The following FAAH2 variants were observed in gnomAD, a reference collection of about 807,000 sequenced individuals.
The protein encoded by FAAH2 is fatty acid amide hydrolase 2.
A neutral mutation model predicts 36.9 loss-of-function variants in FAAH2; 60 were observed. The ratio of observed to expected loss-of-function variants is 1.63; its 90% CI spans 1.32 to 2.02. The LOEUF (loss-of-function observed/expected upper bound fraction) is 2.02. Among genes scored for constraint, FAAH2 ranks in the 30% most tolerant of loss-of-function variants. The pLI, the probability that FAAH2 is intolerant of heterozygous loss-of-function variation, is 0.00. For synonymous variants in FAAH2, 214 were observed against 143.8 expected (o/e 1.49, Z -3.49); for missense variants, 689 against 397.5 (o/e 1.73, Z -6.23).
chrX:57,234,584 A>G, the FAAH2 span, among the ~76,000 whole-genome samples: 1 of 111,680 alleles, frequency 9.0e-6, no homozygotes, highest in Non-Finnish European at 1.9e-5. Context: ...TCTTGGGGTA[A>G]TGGGAGACAG....
intron 10 of FAAH2, among the ~76,000 whole-genome samples, chrX:57,460,680 C>T (rs938525370): frequency 1.8e-5 from 2 of 111,852 alleles, no homozygotes; most frequent in African/African-American, 6.5e-5. Context: ...AAAACTGGTA[C>T]TAGCCACTGC....
At chrX:57,137,214 C>G in the FAAH2 span, 1 of 760,316 alleles carries the variant, frequency 1.3e-6, no homozygotes, top group Non-Finnish European at 1.6e-6. Context: ...CCCTGCCTGG[C>G]GTCCACCGCC....
At chrX:57,256,854 G>A in the FAAH2 span, among the ~76,000 whole-genome samples, 2 of 111,539 alleles carry the variant, frequency 1.8e-5, no homozygotes, top group Non-Finnish European at 3.8e-5. Context: ...AGAAGACAAA[G>A]CAAAAAACCA....
At chrX:57,177,627 G>T in the FAAH2 span, among the ~76,000 whole-genome samples, 2 of 49,870 alleles carry the variant, frequency 4.0e-5, no homozygotes, top group Non-Finnish European at 6.7e-5. Flanking sequence ...TCCAATAAAT[G>T]AAACCTGATG....
chrX:57,485,427 A>G (rs1283247738), intron 10 of FAAH2, among the ~76,000 whole-genome samples: 1 of 111,421 alleles, frequency 9.0e-6, no homozygotes, highest in Non-Finnish European at 1.9e-5. Flanking sequence ...GTGAAGCAGT[A>G]TAAGTGGGGA....
intron 3 of FAAH2, among the ~76,000 whole-genome samples, chrX:57,324,576 C>T (rs2146965186): frequency 9.0e-6 from 1 of 111,472 alleles, no homozygotes; most frequent in South Asian, 3.8e-4. Flanking sequence ...AGTTGGATTC[C>T]TAGGTATTTT....
At chrX:57,175,262 G>A in the FAAH2 span, among the ~76,000 whole-genome samples, 2 of 111,301 alleles carry the variant, frequency 1.8e-5, no homozygotes, top group Non-Finnish European at 1.9e-5. Flanking sequence ...TCCAGAGTTA[G>A]GTGCATATAT....
At chrX:57,385,809 G>A (rs1269740949) in intron 7 of FAAH2, among the ~76,000 whole-genome samples, 1 of 110,073 alleles carries the variant, frequency 9.1e-6, no homozygotes, top group Admixed American at 9.7e-5. Flanking sequence ...TCGGGAGGCT[G>A]AGGCAGGAGA....
At chrX:57,454,675 A>G (rs985285778) in intron 10 of FAAH2, among the ~76,000 whole-genome samples, 1 of 112,289 alleles carries the variant, frequency 8.9e-6, no homozygotes, top group Admixed American at 9.5e-5. Context: ...AAGCATCAGC[A>G]GCAGAAAAAT....
rs745332243 is a variant in FAAH2 at position 57,403,580 on chromosome X, C to A, written c.996+22551C>A. 2.1e-4 allele frequency among the ~76,000 whole-genome samples: 24 copies of A among 112,749 alleles called. No individual in the cohort carries two copies. The East Asian group carries it at 3.9e-3, about 18-fold the overall frequency. ...TTCATTTCAGAGAGGGTGTGGGTAA[C>A]CTTTTGAGTCAGGATTGAGATAGAG... On this transcript the variant is annotated intron_variant, in intron 7 of 10. Transcript: ENST00000374900.
chrX:57,336,014 A>G (rs1440116840), intron 4 of FAAH2, among the ~76,000 whole-genome samples: 1 of 111,547 alleles, frequency 9.0e-6, no homozygotes, highest in South Asian at 3.8e-4. Context: ...GATCAACATC[A>G]TCTCAAGGCA....
At chrX:57,415,203 G>A (rs1358760020) in intron 7 of FAAH2, among the ~76,000 whole-genome samples, 6 of 108,563 alleles carry the variant, frequency 5.5e-5, no homozygotes, top group African/African-American at 1.7e-4. Context: ...TTGATTTTTC[G>A]ACGAGTTTTC....
chrX:57,189,912 T>C, the FAAH2 span, among the ~76,000 whole-genome samples: 35 of 112,095 alleles, frequency 3.1e-4, no homozygotes, highest in African/African-American at 1.1e-3. Flanking sequence ...AGAGCTTGAG[T>C]GCTATGCTAG....
At chrX:57,235,619 A>G in the FAAH2 span, among the ~76,000 whole-genome samples, 2 of 112,437 alleles carry the variant, frequency 1.8e-5, no homozygotes, top group Non-Finnish European at 3.8e-5. Flanking sequence ...CTATAGTTTG[A>G]GTTCAGAAAT....
intron 10 of FAAH2, among the ~76,000 whole-genome samples, chrX:57,481,226 C>A (rs181994660): frequency 1.8e-5 from 2 of 111,185 alleles, no homozygotes; most frequent in Non-Finnish European, 3.8e-5. Flanking sequence ...TACCTACATA[C>A]TGAAGCCTAC....
At chrX:57,230,077 C>A in the FAAH2 span, among the ~76,000 whole-genome samples, 4 of 111,934 alleles carry the variant, frequency 3.6e-5, no homozygotes, top group Non-Finnish European at 7.5e-5. Context: ...ACTTCTGTCT[C>A]ATACTCGCTT....
At chrX:57,190,851 C>A in the FAAH2 span, among the ~76,000 whole-genome samples, 1 of 110,980 alleles carries the variant, frequency 9.0e-6, no homozygotes, top group South Asian at 3.9e-4. Flanking sequence ...GGCCATCCTG[C>A]AATATCCCCC....
chrX:57,266,319 C>T, the FAAH2 span, among the ~76,000 whole-genome samples: 1 of 111,741 alleles, frequency 8.9e-6, no homozygotes, highest in Non-Finnish European at 1.9e-5. Context: ...ATTGGAAAAC[C>T]TGAGACAACT....
At chrX:57,466,966 T>C (rs1201989002) in intron 10 of FAAH2, among the ~76,000 whole-genome samples, 1 of 111,611 alleles carries the variant, frequency 9.0e-6, no homozygotes, top group Admixed American at 9.6e-5. Flanking sequence ...GTACAAGGAA[T>C]CTTGGCTTAT....
Sources: gnomAD v4.1 joint callset for allele counts (sites outside exome capture counted in the v4.1 genomes callset) on GRCh38, gnomAD v4.1.1 for gene constraint, MANE v1.5 for transcripts, NCBI Gene and HGNC (gene_info 2026-07-23, HGNC 2026-07-21) for gene names.